Variants in CNTN4 observed in about 807,000 individuals in gnomAD.
CNTN4 encodes the protein contactin-4.
Under a neutral mutation model 122.5 loss-of-function variants are expected in CNTN4, and 77 were observed. The ratio of observed to expected loss-of-function variants is 0.63; its 90% CI spans 0.52 to 0.76. The LOEUF is 0.76. Among genes scored for constraint, CNTN4 ranks in the 30% least tolerant of loss-of-function variants. The pLI is 0.00. For missense variants in CNTN4, 1,256 were observed against 1,259.1 expected, an observed-to-expected ratio of 1.00 and a Z score of 0.04; for synonymous variants, 512 against 447.0, an observed-to-expected ratio of 1.15 and a Z score of -1.83.
intron 3 of CNTN4, among the ~76,000 whole-genome samples, chr3:2,536,462 C>G (rs1438475011): frequency 6.6e-6 from 1 of 151,974 alleles, no homozygotes; most frequent in Non-Finnish European, 1.5e-5. Context: ...AGTCATTGCC[C>G]TATGCTGAAA....
intron 23 of CNTN4, among the ~76,000 whole-genome samples, chr3:3,044,949 C>T (rs185515635): frequency 1.3e-4 from 20 of 152,316 alleles, no homozygotes; most frequent in Middle Eastern, 3.4e-3. Context: ...TCTTAGCAAA[C>T]GGCACACCAG....
chr3:2,722,326 A>G (rs754802069), intron 4 of CNTN4, among the ~76,000 whole-genome samples: 8 of 152,204 alleles, frequency 5.3e-5, no homozygotes, highest in Admixed American at 3.3e-4. Flanking sequence ...AGTCTAGTAC[A>G]TAGTGGGTAC....
At chr3:2,264,053 A>T (rs1169029564) in intron 2 of CNTN4, among the ~76,000 whole-genome samples, 1 of 152,158 alleles carries the variant, frequency 6.6e-6, no homozygotes, top group Non-Finnish European at 1.5e-5. Context: ...CTTGGCTATT[A>T]TGAATAGTGC....
intron 2 of CNTN4, among the ~76,000 whole-genome samples, chr3:2,188,828 A>G (rs76804888): frequency 0.023 from 3,485 of 152,220 alleles, 50 homozygotes; most frequent in Middle Eastern, 0.051. Flanking sequence ...TGAATAAACA[A>G]AGGGAGACTC....
chr3:2,196,757 T>C (rs912246560), intron 2 of CNTN4, among the ~76,000 whole-genome samples: 2 of 151,976 alleles, frequency 1.3e-5, no homozygotes, highest in African/African-American at 4.8e-5. Context: ...GAAAAAGAAA[T>C]GCCTGGGCCG....
intron 4 of CNTN4, among the ~76,000 whole-genome samples, chr3:2,595,194 A>G: frequency 6.6e-6 from 1 of 152,218 alleles, no homozygotes; most frequent in East Asian, 1.9e-4. Flanking sequence ...TACACAATTG[A>G]CTGAGTATTT....
At chr3:2,449,905 G>A (rs2048764460) in intron 3 of CNTN4, among the ~76,000 whole-genome samples, 1 of 152,122 alleles carries the variant, frequency 6.6e-6, no homozygotes, top group Non-Finnish European at 1.5e-5. Context: ...TACACTCACA[G>A]AAGCAGGGAA....
chr3:2,553,083 C>G (rs898075737), intron 3 of CNTN4, among the ~76,000 whole-genome samples: 7 of 152,150 alleles, frequency 4.6e-5, no homozygotes, highest in Non-Finnish European at 1.5e-5. Flanking sequence ...AATTTTTCTT[C>G]CAGGTTTGGG....
rs1397656870 is a variant in CNTN4, at chr3:2,657,164, T to G, written c.56-79051T>G. Among the ~76,000 whole-genome samples, 12 of 152,300 alleles carry G rather than the reference T, an allele frequency of 7.9e-5. No individual in the cohort carries two copies. In the East Asian group the frequency reaches 1.7e-3, roughly 22 times the overall value. On this transcript the variant is annotated intron_variant, in intron 4 of 24. Transcript: ENST00000418658. ...CCGGACAAGCATATTTTTCCAATTC[T>G]AAGGGTAGAAAGTGTCTTTGTAAAC...
chr3:2,988,372 C>G lies in CNTN4; in HGVS notation c.1386C>G (p.Leu462=), dbSNP rs1471387855. 1 of 1,613,736 alleles carries G rather than the reference C, an allele frequency of 6.2e-7. No homozygotes were observed. The highest frequency in any genetic ancestry group is 8.5e-7 in the Non-Finnish European group (1 of 1,179,768). Residue 462 remains leucine (L), a synonymous_variant, in exon 14 of 25, where the codon CTC becomes CTG. Coordinates refer to ENST00000418658, the MANE Select transcript of CNTN4 (RefSeq NM_175607.3). Reference sequence around the variant, plus strand: ...TTACCATTTCTGAAGATGGAAACCTCAGAATCATCAACGTTACTAAATCAG... The same window carrying G: ...TTACCATTTCTGAAGATGGAAACCTGAGAATCATCAACGTTACTAAATCAG... ...ERITISEDGN[L]RIINVTKSDA...
chr3:2,134,611 C>T (rs1012468048), intron 2 of CNTN4, among the ~76,000 whole-genome samples: 1 of 152,180 alleles, frequency 6.6e-6, no homozygotes, highest in South Asian at 2.1e-4. Flanking sequence ...GCATCTTGGT[C>T]TCCAGGGGCT....
chr3:2,099,182 CG>C (rs1373636885), intron 1 of CNTN4: 1 of 152,296 alleles, frequency 6.6e-6, no homozygotes, highest in Non-Finnish European at 1.5e-5. Flanking sequence ...CCTGCAGGGT[CG>C]GGGAGCGGGA....
chr3:2,615,368 A>C lies in CNTN4; in HGVS notation c.55+43810A>C, dbSNP rs147804160. 4.0e-3 allele frequency among the ~76,000 whole-genome samples: 616 copies of C among 152,316 alleles called. 6 individuals carry two copies. Among genetic ancestry groups the C allele is most frequent in the African/African-American group, 0.014 (577 of 41,572 alleles). On this transcript the variant is annotated intron_variant, in intron 4 of 24. Transcript: ENST00000418658. ...TTAAACCTTGCAGGTGTCAGTGATG[A>C]TATGAAAGAATCTTTAATCTGTTTG...
intron 2 of CNTN4, among the ~76,000 whole-genome samples, chr3:2,196,796 G>A (rs1280381476): frequency 6.6e-6 from 1 of 151,984 alleles, no homozygotes; most frequent in Non-Finnish European, 1.5e-5. Flanking sequence ...TGTAATCCCA[G>A]CACTTTGGAA....
At chr3:2,105,450 T>C (rs1461919921) in intron 2 of CNTN4, among the ~76,000 whole-genome samples, 1 of 152,154 alleles carries the variant, frequency 6.6e-6, no homozygotes, top group Admixed American at 6.6e-5. Context: ...CAGTTCCGCA[T>C]GGCCTCAGGA....
intron 2 of CNTN4, among the ~76,000 whole-genome samples, chr3:2,188,448 G>T (rs555336708): frequency 2.0e-5 from 3 of 152,154 alleles, no homozygotes; most frequent in Non-Finnish European, 2.9e-5. Flanking sequence ...AAGTTCTCCT[G>T]AGGAAGATTG....
At chr3:2,358,009 C>T (rs555628429) in intron 3 of CNTN4, among the ~76,000 whole-genome samples, 5 of 152,202 alleles carry the variant, frequency 3.3e-5, no homozygotes, top group African/African-American at 7.2e-5. Flanking sequence ...TTTTATAAAC[C>T]GTATGTAGCA....
chr3:2,705,646 T>G (rs2086645755), intron 4 of CNTN4, among the ~76,000 whole-genome samples: 1 of 86,054 alleles, frequency 1.2e-5, no homozygotes, highest in South Asian at 4.2e-4. Flanking sequence ...ATATTATATA[T>G]AAAAAGTATA....
chr3:2,459,982 A>G (rs182358478), intron 3 of CNTN4, among the ~76,000 whole-genome samples: 1 of 152,266 alleles, frequency 6.6e-6, no homozygotes, highest in East Asian at 1.9e-4. Context: ...CTTTCACAAG[A>G]TAGCGCATGA....
Sources: gnomAD v4.1 joint callset for allele counts (sites outside exome capture counted in the v4.1 genomes callset) on GRCh38, gnomAD v4.1.1 for gene constraint, MANE v1.5 for transcripts, NCBI Gene and HGNC (gene_info 2026-07-23, HGNC 2026-07-21) for gene names.